The following PRDM16 variants were observed in gnomAD, a reference collection of about 807,000 sequenced individuals.
The protein encoded by PRDM16 is histone-lysine N-methyltransferase PRDM16.
In PRDM16, 23 loss-of-function variants were observed where a neutral mutation model predicts 110.6. The ratio of observed to expected loss-of-function variants is 0.21; its 90% CI spans 0.15 to 0.29. The LOEUF is 0.29. Among genes scored for constraint, PRDM16 ranks in the 10% least tolerant of loss-of-function variants. The probability of loss-of-function intolerance (pLI) is 1.00; values close to 1 mark genes in which losing one functional copy is unlikely to be tolerated. For missense variants in PRDM16, 1,615 were observed against 1,794.3 expected (o/e 0.90, Z 1.81); for synonymous variants, 799 against 781.8 (o/e 1.02, Z -0.37).
Position 3,244,631 on chromosome 1 carries a change from T to C in PRDM16, c.438+494T>C, listed in dbSNP as rs1385209353. On this transcript the variant is annotated intron_variant, in intron 3 of 16. Coordinates refer to ENST00000270722, the MANE Select transcript of PRDM16 (RefSeq NM_022114.4). The surrounding 1 kb of genome is among the most constrained non-coding windows in gnomAD (Gnocchi z 4.1). ...GAGAGAAAAAGGGTCCACGTGGCAT[T>C]ATCCACGGCTTTGCTGACTGGTGGT... 1.3e-5 allele frequency among the ~76,000 whole-genome samples: 2 copies of C among 152,142 alleles called. No individual in the cohort carries two copies. Among genetic ancestry groups the C allele is most frequent in the Non-Finnish European group, 2.9e-5 (2 of 68,024 alleles).
At chr1:3,414,511 C>CGGGGCGGGCGGCTCGGT in intron 9 of PRDM16, 49 bp from the exon 10 acceptor site, 2 of 1,442,734 alleles carry the variant, frequency 1.4e-6, no homozygotes, top group Non-Finnish European at 9.6e-7. Context: ...GGTGGCTCGG[C>CGGGGCGGGCGGCTCGGT]GGGGCGGGCG....
At chr1:3,151,649 G>A (rs540443261) in intron 1 of PRDM16, among the ~76,000 whole-genome samples, 32 of 152,352 alleles carry the variant, frequency 2.1e-4, no homozygotes, top group Admixed American at 7.8e-4. Flanking sequence ...TAGCCCCACC[G>A]CCGTTCTGGG....
At chr1:3,392,641 T>C (rs1449667674) in intron 4 of PRDM16, among the ~76,000 whole-genome samples, 1 of 152,218 alleles carries the variant, frequency 6.6e-6, no homozygotes, top group Non-Finnish European at 1.5e-5. Flanking sequence ...AAAACTTTCT[T>C]TAAAGACCTG....
At chr1:3,156,393 G>A (rs370812729) in intron 1 of PRDM16, among the ~76,000 whole-genome samples, 3 of 152,142 alleles carry the variant, frequency 2.0e-5, no homozygotes, top group Admixed American at 6.5e-5. Context: ...CTCTGCCTGC[G>A]GAGGTAAAAG....
chr1:3,380,189 T>C (rs554267014), intron 3 of PRDM16, among the ~76,000 whole-genome samples: 1 of 151,188 alleles, frequency 6.6e-6, no homozygotes, highest in Non-Finnish European at 1.5e-5. Context: ...TCATTGCTGG[T>C]TCAGGGCCCT....
chr1:3,321,073 G>T (rs931324065), intron 3 of PRDM16, among the ~76,000 whole-genome samples: 1 of 152,204 alleles, frequency 6.6e-6, no homozygotes, highest in African/African-American at 2.4e-5. Flanking sequence ...ACTTACCATG[G>T]GAGCTGCGTG....
intron 3 of PRDM16, among the ~76,000 whole-genome samples, chr1:3,287,257 G>A (rs1048408165): frequency 2.6e-5 from 4 of 151,292 alleles, no homozygotes; most frequent in African/African-American, 7.4e-5. Flanking sequence ...TGCATTTACC[G>A]GGGCTGGAGG....
At chr1:3,146,656 CGT>C (rs1643664852) in intron 1 of PRDM16, among the ~76,000 whole-genome samples, 3 of 89,170 alleles carry the variant, frequency 3.4e-5, no homozygotes. Flanking sequence ...TGTGTGTGCA[CGT>C]GTGTGCTCAG....
At chr1:3,075,333 A>G (rs1641873448) in intron 1 of PRDM16, among the ~76,000 whole-genome samples, 1 of 152,252 alleles carries the variant, frequency 6.6e-6, no homozygotes, top group Admixed American at 6.5e-5. Context: ...TTCTGTATGC[A>G]ATTAGTCCAT....
intron 1 of PRDM16, among the ~76,000 whole-genome samples, chr1:3,130,797 GT>G (rs34616112): frequency 3.8e-4 from 53 of 141,324 alleles, no homozygotes; most frequent in South Asian, 9.0e-4. Flanking sequence ...TGGGGGGGCT[GT>G]TTTTTTTTTT....
rs374387528 is a variant in PRDM16, at chr1:3,431,084, C to T, written c.3497C>T (p.Ala1166Val). The T allele has an allele frequency of 6.4e-7, 1 of 1,551,694 alleles. No individual in the cohort carries two copies. The highest frequency in any genetic ancestry group is 1.4e-5 in the African/African-American group (1 of 73,180). ...EEDEEPAASL[A>V]VGFDHTRRCA... The stretch of plus-strand genomic sequence containing the variant: ...GATGAGGAGCCAGCCGCCTCCCTGG[C>T]CGTGGGCTTTGACCACACCCGAAGG... The change falls in exon 15 of 17, where the codon GCC becomes GTC. Residue 1166 changes from alanine (A) to valine (V), a missense_variant. Ala to Val is a moderately conservative substitution (Grantham distance 64). Around this residue, in one of 5 missense-constraint regions of PRDM16, gnomAD observed 327 missense variants for 359.3 expected, o/e 0.91. Transcript: ENST00000270722.
intron 3 of PRDM16, among the ~76,000 whole-genome samples, chr1:3,333,121 A>G (rs1642077267): frequency 6.6e-6 from 1 of 152,172 alleles, no homozygotes; most frequent in Admixed American, 6.5e-5. Context: ...TGCAGGTCAC[A>G]CGGCCTTACT....
intron 3 of PRDM16, among the ~76,000 whole-genome samples, chr1:3,335,716 C>T (rs965068049): frequency 2.6e-5 from 4 of 152,090 alleles, no homozygotes; most frequent in African/African-American, 7.2e-5. Context: ...CCTTCTTCCC[C>T]GTTCTTTCTG....
At chr1:3,181,486 A>ATG (rs1553141093) in intron 1 of PRDM16, among the ~76,000 whole-genome samples, 1 of 56,476 alleles carries the variant, frequency 1.8e-5, no homozygotes, top group Non-Finnish European at 4.3e-5. Flanking sequence ...AGTCTTACAC[A>ATG]CAGCCTTACG....
intron 3 of PRDM16, among the ~76,000 whole-genome samples, chr1:3,327,776 C>G (rs1023557830): frequency 2.6e-5 from 4 of 152,212 alleles, no homozygotes; most frequent in African/African-American, 9.6e-5. Context: ...AAGAGATTCA[C>G]AGTAACCCCA....
In PRDM16 at chr1:3,247,010, G is replaced by A. The variant is rs1019873375; in HGVS notation, c.438+2873G>A. Among the ~76,000 whole-genome samples the A allele has an allele frequency of 7.2e-5, 11 of 152,238 alleles. 1 individual carries two copies. The highest frequency in any genetic ancestry group is 1.3e-4 in the Non-Finnish European group (9 of 68,028). On this transcript the variant is annotated intron_variant, in intron 3 of 16. Transcript: ENST00000270722. The stretch of plus-strand genomic sequence containing the variant: ...GTGTGGATTGCTGCCGTAACTGTGC[G>A]CACCGCGGTGCTGTTTTCAGGATGA...
intron 3 of PRDM16, among the ~76,000 whole-genome samples, chr1:3,323,296 C>A (rs547533526): frequency 6.6e-6 from 1 of 152,178 alleles, no homozygotes; most frequent in African/African-American, 2.4e-5. Flanking sequence ...GGTGAGAGTC[C>A]GACCTCCTGG....
At chr1:3,122,615 A>G (rs1350676911) in intron 1 of PRDM16, among the ~76,000 whole-genome samples, 2 of 152,138 alleles carry the variant, frequency 1.3e-5, no homozygotes, top group African/African-American at 4.8e-5. Context: ...ATACGAGTGG[A>G]AAAAATGAAC....
chr1:3,199,958 C>A (rs184703219), intron 2 of PRDM16, among the ~76,000 whole-genome samples: 44 of 152,396 alleles, frequency 2.9e-4, no homozygotes, highest in African/African-American at 8.2e-4. Flanking sequence ...TCTCTCCCCC[C>A]ACCAGGGGAA....
Sources: gnomAD v4.1 joint callset for allele counts (sites outside exome capture counted in the v4.1 genomes callset) on GRCh38, gnomAD v4.1.1 for gene constraint, gnomAD v4.1.1 regional missense constraint, Gnocchi (gnomAD v3.1) non-coding constraint, MANE v1.5 for transcripts, NCBI Gene and HGNC (gene_info 2026-07-23, HGNC 2026-07-21) for gene names.